LHFPL4: variants seen among roughly 807,000 people sequenced by gnomAD.
LHFPL4 encodes LHFPL tetraspan subfamily member 4.
A neutral mutation model predicts 20.0 loss-of-function variants in LHFPL4; 6 were observed. The ratio of observed to expected loss-of-function variants is 0.30; its 90% CI spans 0.16 to 0.59. LHFPL4 has a LOEUF of 0.59. LHFPL4 is among the 20% of genes least tolerant of loss of function. The probability of loss-of-function intolerance (pLI) is 0.88; values close to 1 mark genes in which losing one functional copy is unlikely to be tolerated. For synonymous variants in LHFPL4, 129 were observed against 143.8 expected (o/e 0.90, Z 0.74); for missense variants, 215 against 331.2 (o/e 0.65, Z 2.72).
intron 2 of LHFPL4, among the ~76,000 whole-genome samples, chr3:9,509,461 T>C (rs563952843): frequency 6.6e-6 from 1 of 152,330 alleles, no homozygotes; most frequent in East Asian, 1.9e-4. Flanking sequence ...CAGTCCTGCA[T>C]GCCCACTATG....
In LHFPL4 at chr3:9,498,639, C is replaced by T. The variant is rs3732975; in HGVS notation, c.*3572G>A. On this transcript the variant is annotated 3_prime_UTR_variant, in exon 4 of 4. Transcript: ENST00000287585. The stretch of plus-strand genomic sequence containing the variant: ...ACTCCAGTCCCACCCAAAGGTTAGC[C>T]GTGGGCCAGGCAGGGGCCTGCAGAA... 0.2 allele frequency: 31,234 copies of T among 152,602 alleles called. 3,463 individuals are homozygous for T. Among genetic ancestry groups the T allele is most frequent in the African/African-American group, 0.27 (11,003 of 41,490 alleles). The allele number at this position is 152,602 out of a possible 1,614,324, so 9.5% of individuals were successfully genotyped here. A position where few individuals can be genotyped will look rare whatever the true frequency, so the allele number is the denominator to read the frequency against.
intron 2 of LHFPL4, among the ~76,000 whole-genome samples, chr3:9,513,767 G>A (rs561919924): frequency 2.6e-5 from 4 of 152,202 alleles, no homozygotes; most frequent in East Asian, 1.9e-4. Flanking sequence ...TTAACTGTGC[G>A]TCACTGGGCA....
At chr3:9,534,992 G>A (rs762905539) in intron 2 of LHFPL4, among the ~76,000 whole-genome samples, 4 of 152,090 alleles carry the variant, frequency 2.6e-5, no homozygotes, top group Non-Finnish European at 4.4e-5. Context: ...AGAGCAAGGG[G>A]AGGAGAAGGA....
chr3:9,551,971 C>A (rs2046557769), intron 2 of LHFPL4, among the ~76,000 whole-genome samples: 2 of 152,060 alleles, frequency 1.3e-5, no homozygotes, highest in Non-Finnish European at 2.9e-5. Context: ...ATATTTCCCC[C>A]AAGACAGCCA....
At chr3:9,539,631 A>G (rs1014641083) in intron 2 of LHFPL4, among the ~76,000 whole-genome samples, 6 of 152,116 alleles carry the variant, frequency 3.9e-5, no homozygotes, top group African/African-American at 1.4e-4. Context: ...CTTATAGTAA[A>G]AAGAAAATAA....
chr3:9,526,513 C>G (rs1467546374), intron 2 of LHFPL4, among the ~76,000 whole-genome samples: 1 of 152,146 alleles, frequency 6.6e-6, no homozygotes, highest in Non-Finnish European at 1.5e-5. Flanking sequence ...TCTAACATCC[C>G]TCATATCATC....
intron 2 of LHFPL4, among the ~76,000 whole-genome samples, chr3:9,516,699 C>G (rs983660330): frequency 6.6e-6 from 1 of 151,972 alleles, no homozygotes; most frequent in Non-Finnish European, 1.5e-5. Context: ...GTCTCGAACT[C>G]CTGACCTCAG....
rs2046181305 is a variant in LHFPL4, at chr3:9,502,169, AAGCTG to A, written c.*37_*41del. On this transcript the variant is annotated 3_prime_UTR_variant, in exon 4 of 4. Transcript: ENST00000287585. ...GTGACGAGAGGGCAGAAGGCAGGAC[AAGCTG>A]AGGTCAGGCCAATTACTGGGCTGTG... 1 of 1,419,246 alleles carries A rather than the reference AAGCTG, an allele frequency of 7.0e-7. No individual in the cohort carries two copies. Among genetic ancestry groups the A allele is most frequent in the Non-Finnish European group, 1.0e-6 (1 of 1,003,246 alleles). 87.9% of individuals were successfully genotyped at this position (1,419,246 alleles called of 1,614,324 possible). A position where few individuals can be genotyped will look rare whatever the true frequency, so the allele number is the denominator to read the frequency against.
At chr3:9,529,573 C>G (rs538138020) in intron 2 of LHFPL4, among the ~76,000 whole-genome samples, 4 of 152,104 alleles carry the variant, frequency 2.6e-5, no homozygotes, top group Non-Finnish European at 5.9e-5. Flanking sequence ...TTCCTGAGAG[C>G]GCTTGTGTGA....
In LHFPL4 at chr3:9,553,803, T is replaced by G. The variant is rs2046574547; in HGVS notation, c.-287A>C. 6.6e-6 allele frequency: 1 copy of G among 150,528 alleles called. No homozygotes were observed. Among genetic ancestry groups the G allele is most frequent in the Non-Finnish European group, 1.5e-5 (1 of 67,458 alleles). The allele number at this position is 150,528 out of a possible 1,614,324, so 9.3% of individuals were successfully genotyped here. ...GGCCTCTGCGCGGCCTCCATCTTGC[T>G]CGGGTTCTCCCCGGGGCGCGCTCCC... On this transcript the variant is annotated 5_prime_UTR_variant, in exon 1 of 4. Coordinates refer to ENST00000287585, the MANE Select transcript of LHFPL4 (RefSeq NM_198560.3).
At chr3:9,529,687 T>C (rs2046397258) in intron 2 of LHFPL4, among the ~76,000 whole-genome samples, 1 of 152,100 alleles carries the variant, frequency 6.6e-6, no homozygotes, top group Non-Finnish European at 1.5e-5. Context: ...CAGGCTGGAG[T>C]GCAGTGGCGT....
In LHFPL4 at chr3:9,501,259, G is replaced by C. The variant is rs947157918; in HGVS notation, c.*952C>G. On this transcript the variant is annotated 3_prime_UTR_variant, in exon 4 of 4. Coordinates refer to ENST00000287585, the MANE Select transcript of LHFPL4 (RefSeq NM_198560.3). ...CATGAAAAGGGGCAGAAGGGGTAAT[G>C]CATCCCCCAACTCCCCACCTCTGGG... The C allele has an allele frequency of 1.4e-4, 22 of 152,784 alleles. No individual in the cohort carries two copies. Among genetic ancestry groups the C allele is most frequent in the Non-Finnish European group, 1.2e-4 (8 of 68,274 alleles). 9.5% of individuals were successfully genotyped at this position (152,784 alleles called of 1,614,324 possible). A position where few individuals can be genotyped will look rare whatever the true frequency, so the allele number is the denominator to read the frequency against.
At chr3:9,539,320 T>C (rs920198108) in intron 2 of LHFPL4, among the ~76,000 whole-genome samples, 1 of 151,452 alleles carries the variant, frequency 6.6e-6, no homozygotes, top group East Asian at 2.0e-4. Context: ...CTGGGCACGG[T>C]GGTGGGCGCC....
At chr3:9,540,224 A>G (rs2046468967) in intron 2 of LHFPL4, among the ~76,000 whole-genome samples, 1 of 152,238 alleles carries the variant, frequency 6.6e-6, no homozygotes, top group Admixed American at 6.5e-5. Flanking sequence ...AGAAAAGTTT[A>G]TTACGTGGCT....
chr3:9,522,771 G>C (rs2046346711), intron 2 of LHFPL4, among the ~76,000 whole-genome samples: 1 of 151,592 alleles, frequency 6.6e-6, no homozygotes, highest in Admixed American at 6.6e-5. Context: ...GCCAGGCATG[G>C]TGGCTCACCC....
At chr3:9,530,148 T>C (rs554050537) in intron 2 of LHFPL4, among the ~76,000 whole-genome samples, 13 of 152,344 alleles carry the variant, frequency 8.5e-5, no homozygotes, top group African/African-American at 2.9e-4. Context: ...GGGTCCCTAA[T>C]GTGAGAGTCA....
chr3:9,531,764 C>T (rs2046410212), intron 2 of LHFPL4, among the ~76,000 whole-genome samples: 1 of 151,554 alleles, frequency 6.6e-6, no homozygotes, highest in Non-Finnish European at 1.5e-5. Context: ...TGGGCCACTG[C>T]ACTCCAGCCT....
intron 2 of LHFPL4, among the ~76,000 whole-genome samples, chr3:9,510,574 C>A (rs1472321548): frequency 1.3e-5 from 2 of 152,036 alleles, no homozygotes; most frequent in Non-Finnish European, 2.9e-5. Flanking sequence ...TCCAAGCAGC[C>A]AGGAGGTGTT....
chr3:9,505,252 CT>C (rs1412767649), intron 3 of LHFPL4, among the ~76,000 whole-genome samples: 1 of 142,996 alleles, frequency 7.0e-6, no homozygotes, highest in African/African-American at 2.6e-5. Context: ...AGGCAGGTTT[CT>C]TTTTTTCTTT....
Sources: gnomAD v4.1 joint callset for allele counts (sites outside exome capture counted in the v4.1 genomes callset) on GRCh38, gnomAD v4.1.1 for gene constraint, MANE v1.5 for transcripts, NCBI Gene and HGNC (gene_info 2026-07-23, HGNC 2026-07-21) for gene names.